Variants in SCIN observed in about 807,000 individuals in gnomAD.
SCIN encodes scinderin.
SCIN carries 91 observed loss-of-function variants against 91.8 expected under a neutral mutation model. That is an observed-to-expected ratio of 0.99 (90% CI 0.84 to 1.18). The LOEUF (loss-of-function observed/expected upper bound fraction) is 1.18, where lower values mean the gene tolerates loss of function less well. Ranked by LOEUF, SCIN falls within the 50% of genes most tolerant of loss-of-function variation. The pLI, the probability that SCIN is intolerant of heterozygous loss-of-function variation, is 0.00. For synonymous variants in SCIN, 367 were observed against 312.6 expected (o/e 1.17, Z -1.84); for missense variants, 1,087 against 863.9 (o/e 1.26, Z -3.24).
At chr7:12,594,566 T>G (rs1052509514) in intron 3 of SCIN, among the ~76,000 whole-genome samples, 1 of 152,026 alleles carries the variant, frequency 6.6e-6, no homozygotes, top group Non-Finnish European at 1.5e-5. Context: ...AGTATTGCAG[T>G]AAAAGATAAG....
chr7:12,612,303 G>A (rs530672617), intron 4 of SCIN, among the ~76,000 whole-genome samples: 1 of 152,272 alleles, frequency 6.6e-6, no homozygotes, highest in African/African-American at 2.4e-5. Flanking sequence ...GAGTCATTGG[G>A]AAAGAGGAGG....
intron 14 of SCIN, among the ~76,000 whole-genome samples, chr7:12,649,798 T>G (rs1009907237): frequency 1.3e-5 from 2 of 152,224 alleles, no homozygotes; most frequent in African/African-American, 4.8e-5. Context: ...TTTCATTTAT[T>G]TGTAAAAGTT....
At chr7:12,617,884 C>T (rs1052054021) in intron 4 of SCIN, among the ~76,000 whole-genome samples, 5 of 152,136 alleles carry the variant, frequency 3.3e-5, no homozygotes. Flanking sequence ...GTGAAAACAA[C>T]TGCTCTTGTT....
intron 13 of SCIN, 71 bp from the exon 14 acceptor site, chr7:12,649,396 G>A (rs1784032053): frequency 2.3e-6 from 2 of 866,438 alleles, no homozygotes; most frequent in South Asian, 2.1e-5. Flanking sequence ...AAAATACAGG[G>A]CATTTCTATC....
chr7:12,594,411 G>A (rs529245829), intron 3 of SCIN, among the ~76,000 whole-genome samples: 55 of 152,260 alleles, frequency 3.6e-4, no homozygotes, highest in African/African-American at 1.3e-3. Flanking sequence ...TGGTTACGGA[G>A]AATGAAGAAA....
At chr7:12,579,208 G>A (rs970227952) in intron 2 of SCIN, among the ~76,000 whole-genome samples, 9 of 152,166 alleles carry the variant, frequency 5.9e-5, no homozygotes, top group South Asian at 2.1e-4. Flanking sequence ...ACCTTTACCT[G>A]TTCAGAGTCT....
chr7:12,612,742 G>A (rs771995586), intron 4 of SCIN, among the ~76,000 whole-genome samples: 4 of 152,140 alleles, frequency 2.6e-5, no homozygotes, highest in Non-Finnish European at 2.9e-5. Flanking sequence ...TACCCGTTTT[G>A]TTCCTCACCA....
chr7:12,656,309 C>G lies in SCIN; in HGVS notation c.*3594C>G, dbSNP rs1364872048. The G allele has an allele frequency of 6.6e-6, 1 of 152,064 alleles. No individual in the cohort carries two copies. Among genetic ancestry groups the G allele is most frequent in the Non-Finnish European group, 1.5e-5 (1 of 68,034 alleles). The allele number at this position is 152,064 out of a possible 1,614,324, so 9.4% of individuals were successfully genotyped here. ...TTATACTGTTGTGTAGTGACACAAG[C>G]CCTTCTGCTGAAAAAGTAGGTAGAT... On this transcript the variant is annotated 3_prime_UTR_variant, in exon 16 of 16. Coordinates refer to ENST00000297029, the MANE Select transcript of SCIN (RefSeq NM_001112706.3).
chr7:12,574,494 T>G (rs1583269727), intron 1 of SCIN, among the ~76,000 whole-genome samples: 2 of 152,136 alleles, frequency 1.3e-5, no homozygotes, highest in Middle Eastern at 6.8e-3. Context: ...AATTTACACA[T>G]GTGATAAAAT....
At chr7:12,616,271 C>T (rs1278132565) in intron 4 of SCIN, among the ~76,000 whole-genome samples, 1 of 151,926 alleles carries the variant, frequency 6.6e-6, no homozygotes, top group Non-Finnish European at 1.5e-5. Flanking sequence ...GGAAATGGGA[C>T]CTAATAAGAG....
At chr7:12,622,544 A>G (rs1783430401) in intron 4 of SCIN, among the ~76,000 whole-genome samples, 1 of 152,074 alleles carries the variant, frequency 6.6e-6, no homozygotes, top group Admixed American at 6.6e-5. Context: ...AGGCTCTCAA[A>G]TTAGGGATTT....
chr7:12,638,441 G>T (rs1377033601), intron 10 of SCIN, among the ~76,000 whole-genome samples: 1 of 152,122 alleles, frequency 6.6e-6, no homozygotes, highest in Non-Finnish European at 1.5e-5. Context: ...GAAAGCAGGT[G>T]CTTACTTGGC....
chr7:12,613,944 T>C (rs983870851), intron 4 of SCIN, among the ~76,000 whole-genome samples: 2 of 152,140 alleles, frequency 1.3e-5, no homozygotes, highest in African/African-American at 2.4e-5. Context: ...ACAAAAAAGC[T>C]TCATAGAACT....
intron 10 of SCIN, among the ~76,000 whole-genome samples, chr7:12,636,356 G>A (rs1161232033): frequency 6.6e-6 from 1 of 152,106 alleles, no homozygotes; most frequent in Admixed American, 6.5e-5. Context: ...CTATCAACAG[G>A]TGTAAGATTC....
chr7:12,600,526 A>T (rs1782936524), intron 3 of SCIN, among the ~76,000 whole-genome samples: 2 of 152,230 alleles, frequency 1.3e-5, no homozygotes, highest in Admixed American at 1.3e-4. Context: ...AAAAACAAAG[A>T]TACGTGTAGG....
chr7:12,582,150 C>A (rs1782500689), intron 3 of SCIN, among the ~76,000 whole-genome samples: 2 of 152,164 alleles, frequency 1.3e-5, no homozygotes, highest in Non-Finnish European at 2.9e-5. Flanking sequence ...GGAATTTGCT[C>A]AAGGTTGCAA....
chr7:12,605,792 A>T (rs1190924138), intron 4 of SCIN, among the ~76,000 whole-genome samples: 1 of 152,238 alleles, frequency 6.6e-6, no homozygotes, highest in Non-Finnish European at 1.5e-5. Context: ...TAAATATGCC[A>T]GTATTTAAAA....
intron 8 of SCIN, among the ~76,000 whole-genome samples, 191 bp from the exon 9 acceptor site, chr7:12,628,910 C>A (rs967056365): frequency 6.6e-6 from 1 of 152,002 alleles, no homozygotes; most frequent in Non-Finnish European, 1.5e-5. Context: ...GCAAAAGACA[C>A]ATAAAAGTAG....
chr7:12,585,272 C>CACT (rs1212383981), intron 3 of SCIN, among the ~76,000 whole-genome samples: 3 of 152,168 alleles, frequency 2.0e-5, no homozygotes, highest in African/African-American at 7.2e-5. Flanking sequence ...TTGCAACCCA[C>CACT]ACTTTTGACT....
Sources: allele counts gnomAD v4.1 joint callset (sites outside exome capture counted in the v4.1 genomes callset), GRCh38; gene constraint gnomAD v4.1.1; transcripts MANE v1.5; gene names NCBI Gene and HGNC (gene_info 2026-07-23, HGNC 2026-07-21).